PRIM2: variants seen among roughly 807,000 people sequenced by gnomAD.
The protein encoded by PRIM2 is DNA primase subunit 2, also known as DNA primase large subunit.
PRIM2 carries 39 observed loss-of-function variants against 67.3 expected under a neutral mutation model. That is an observed-to-expected ratio of 0.58 (90% CI 0.45 to 0.76). PRIM2 has a LOEUF of 0.76. Ranked by LOEUF, PRIM2 falls within the 30% of genes least tolerant of loss-of-function variation. PRIM2 has a pLI of 0.00. For synonymous variants in PRIM2, 143 were observed against 198.7 expected, an observed-to-expected ratio of 0.72 and a Z score of 2.36; for missense variants, 398 against 598.7, an observed-to-expected ratio of 0.66 and a Z score of 3.50.
intron 7 of PRIM2, among the ~76,000 whole-genome samples, chr6:57,393,005 T>C (rs1770405647): frequency 1.3e-5 from 2 of 151,170 alleles, no homozygotes; most frequent in African/African-American, 4.9e-5. Context: ...CCTTATTATA[T>C]ATATATATAC....
intron 10 of PRIM2, among the ~76,000 whole-genome samples, chr6:57,538,489 T>C (rs1775045902): frequency 6.6e-6 from 1 of 152,240 alleles, no homozygotes; most frequent in South Asian, 2.1e-4. Flanking sequence ...GCCCCTTCTA[T>C]GCCATGACAC....
chr6:57,400,729 G>A (rs1253942311), intron 7 of PRIM2, among the ~76,000 whole-genome samples: 1 of 152,004 alleles, frequency 6.6e-6, no homozygotes, highest in Admixed American at 6.6e-5. Context: ...TCGCTTTCAG[G>A]GATAAAAGTG....
intron 12 of PRIM2, among the ~76,000 whole-genome samples, chr6:57,609,823 G>A (rs1243825314): frequency 6.6e-6 from 1 of 152,086 alleles, no homozygotes; most frequent in Admixed American, 6.6e-5. Context: ...AGCAGCTGGT[G>A]GACTGTATTC....
At chr6:57,339,863 A>G (rs1308656835) in intron 5 of PRIM2, among the ~76,000 whole-genome samples, 1 of 151,830 alleles carries the variant, frequency 6.6e-6, no homozygotes, top group African/African-American at 2.4e-5. Flanking sequence ...AATGGGATCT[A>G]ATTAAACTAA....
At chr6:57,411,065 T>C (rs1332053246) in intron 7 of PRIM2, among the ~76,000 whole-genome samples, 2 of 151,888 alleles carry the variant, frequency 1.3e-5, no homozygotes, top group Non-Finnish European at 2.9e-5. Flanking sequence ...TCATGGTTGG[T>C]GATGTCTTCA....
rs1265756068 is a variant in PRIM2 at position 57,614,609 on chromosome 6, G to A, written c.1230+8152G>A. ...CTCACACCTATAATCCCAGCACTTT[G>A]GGAGGCCGAAGCGGGCAGATCACAA... On this transcript the variant is annotated intron_variant, in intron 12 of 13. Transcript: ENST00000615550. Among the ~76,000 whole-genome samples the A allele has an allele frequency of 1.2e-3, 179 of 152,152 alleles. 3 individuals carry two copies. Among genetic ancestry groups the A allele is most frequent in the Admixed American group, 1.2e-3 (18 of 15,280 alleles).
intron 5 of PRIM2, among the ~76,000 whole-genome samples, chr6:57,341,613 A>G (rs1015583168): frequency 1.3e-5 from 2 of 152,180 alleles, no homozygotes; most frequent in African/African-American, 2.4e-5. Flanking sequence ...TTATCATTTC[A>G]TTAATAGGAA....
chr6:57,453,679 ATT>A lies in PRIM2; in HGVS notation c.694-53705_694-53704del, dbSNP rs1220178105. Among the ~76,000 whole-genome samples the A allele has an allele frequency of 1.1e-4, 16 of 152,170 alleles. No individual in the cohort carries two copies. In the East Asian group the frequency reaches 1.4e-3, roughly 13 times the overall value. ...CGAAGTTGCCTATCAGCTTAAGGAG[ATT>A]TTGGGCTGAGACAATGGGGTTTTCT... is the stretch of plus-strand genomic sequence containing the variant. On this transcript the variant is annotated intron_variant, in intron 7 of 13. Transcript: ENST00000615550.
chr6:57,538,431 C>T (rs1189716570), intron 10 of PRIM2, among the ~76,000 whole-genome samples: 1 of 152,148 alleles, frequency 6.6e-6, no homozygotes, highest in African/African-American at 2.4e-5. Context: ...CCTTGTTTCT[C>T]TTTAATAGTG....
chr6:57,328,062 G>A (rs544408234), intron 5 of PRIM2, among the ~76,000 whole-genome samples: 7 of 152,256 alleles, frequency 4.6e-5, no homozygotes, highest in East Asian at 1.9e-4. Context: ...GGTAATGCTC[G>A]CTCACTGCTC....
intron 5 of PRIM2, among the ~76,000 whole-genome samples, chr6:57,374,682 C>T (rs1439809664): frequency 3.9e-5 from 6 of 152,226 alleles, no homozygotes; most frequent in Admixed American, 3.9e-4. Context: ...CCTCCACCTC[C>T]CAGGTTCAAG....
At chr6:57,586,999 G>A (rs1776200492) in intron 10 of PRIM2, 2 of 152,192 alleles carry the variant, frequency 1.3e-5, no homozygotes, top group Admixed American at 1.3e-4. Context: ...GTTTCAGGAA[G>A]AGGAAAATGA....
intron 7 of PRIM2, among the ~76,000 whole-genome samples, chr6:57,501,508 C>T (rs1774131738): frequency 6.6e-6 from 1 of 152,110 alleles, no homozygotes. Context: ...CCATGTTGTC[C>T]AGGCTGGTTT....
chr6:57,405,166 G>A (rs1770843533), intron 7 of PRIM2, among the ~76,000 whole-genome samples: 1 of 152,202 alleles, frequency 6.6e-6, no homozygotes, highest in South Asian at 2.1e-4. Context: ...TTTTTGGTGG[G>A]GAGGGGTACT....
the PRIM2 span, among the ~76,000 whole-genome samples, chr6:57,262,654 C>G: frequency 5.9e-5 from 9 of 152,276 alleles, no homozygotes; most frequent in African/African-American, 2.2e-4. Flanking sequence ...CCTTGGGAAG[C>G]CTCCATTTGG....
intron 7 of PRIM2, among the ~76,000 whole-genome samples, chr6:57,476,223 T>A (rs1298950687): frequency 1.2e-4 from 18 of 152,220 alleles, no homozygotes; most frequent in African/African-American, 4.1e-4. Context: ...ATCTTGAAGG[T>A]CATGGGTCAT....
intron 5 of PRIM2, among the ~76,000 whole-genome samples, chr6:57,355,337 G>GA (rs1223904644): frequency 2.2e-4 from 33 of 150,906 alleles, no homozygotes; most frequent in Admixed American, 1.4e-3. Flanking sequence ...TAAAAAAGAG[G>GA]AAAAAAAAGA....
intron 7 of PRIM2, among the ~76,000 whole-genome samples, chr6:57,470,844 G>A (rs1190736400): frequency 2.0e-5 from 3 of 152,024 alleles, no homozygotes; most frequent in Non-Finnish European, 2.9e-5. Flanking sequence ...TCTTCTCAGC[G>A]TTTGGCACTT....
chr6:57,550,767 G>GA (rs1281071622), intron 10 of PRIM2, among the ~76,000 whole-genome samples: 1 of 152,088 alleles, frequency 6.6e-6, no homozygotes, highest in East Asian at 1.9e-4. Context: ...ACTCTTAGGG[G>GA]AAAATGACAA....
Sources: allele counts gnomAD v4.1 joint callset (sites outside exome capture counted in the v4.1 genomes callset), GRCh38; gene constraint gnomAD v4.1.1; transcripts MANE v1.5; gene names NCBI Gene and HGNC (gene_info 2026-07-23, HGNC 2026-07-21).